PLCH1: variants seen among roughly 807,000 people sequenced by gnomAD.
PLCH1 encodes 1-phosphatidylinositol 4,5-bisphosphate phosphodiesterase eta-1.
PLCH1 carries 60 observed loss-of-function variants against 126.7 expected under a neutral mutation model. The observed-to-expected ratio is 0.47, with a 90% CI of 0.38 to 0.59. The LOEUF (loss-of-function observed/expected upper bound fraction) is 0.59. PLCH1 is among the 20% of genes least tolerant of loss of function. PLCH1 has a pLI of 0.00. For missense variants in PLCH1, 1,723 were observed against 2,040.0 expected (o/e 0.84, Z 2.99); for synonymous variants, 719 against 734.9 (o/e 0.98, Z 0.35).
At chr3:155,457,317 G>C (rs1712473617) in intron 21 of PLCH1, 1 of 152,254 alleles carries the variant, frequency 6.6e-6, no homozygotes, top group Non-Finnish European at 1.5e-5. Context: ...GCAGCCAAAA[G>C]TGAATAGCAC....
chr3:155,537,201 CCAAAAAA>C lies in PLCH1; in HGVS notation c.1362+12579_1362+12585del, dbSNP rs1723506019. Among the ~76,000 whole-genome samples, 120 of 132,062 alleles carry C rather than the reference CCAAAAAA, an allele frequency of 9.1e-4. 1 individual carries two copies. Among genetic ancestry groups the C allele is most frequent in the African/African-American group, 3.5e-3 (117 of 33,516 alleles). 86.6% of individuals were successfully genotyped at this position (132,062 alleles called of 152,430 possible). On this transcript the variant is annotated intron_variant, in intron 10 of 22. Transcript: ENST00000460012. Reference sequence around the variant, plus strand: ...GCTAGCACTACAAAAAAAAAAAAAACCAAAAAAAAAAAAAAAAAAAAAAAAAAAAAAA... The same window carrying C: ...GCTAGCACTACAAAAAAAAAAAAAACAAAAAAAAAAAAAAAAAAAAAAAAA...
chr3:155,683,018 A>C (rs1744657717), intron 2 of PLCH1, among the ~76,000 whole-genome samples: 1 of 152,214 alleles, frequency 6.6e-6, no homozygotes, highest in South Asian at 2.1e-4. Context: ...TGTCCTATAG[A>C]TCACACACAC....
chr3:155,485,449 C>A lies in PLCH1; in HGVS notation c.2881G>T (p.Val961Phe). 1 of 1,614,092 alleles carries A rather than the reference C, an allele frequency of 6.2e-7. No individual in the cohort carries two copies. Among genetic ancestry groups the A allele is most frequent in the Non-Finnish European group, 8.5e-7 (1 of 1,179,942 alleles). The change falls in exon 22 of 23, where the codon GTC (valine) becomes TTC (phenylalanine). Residue 961 changes from valine to phenylalanine, a missense_variant. Val to Phe is a conservative substitution (Grantham distance 50, BLOSUM62 -1). Around this residue, in one of 2 missense-constraint regions of PLCH1, gnomAD observed 947 missense variants for 977.1 expected, o/e 0.97. Transcript: ENST00000460012. ...RTTRSLQARPVSMPVDRNLLG... is the reference protein window; with the variant it reads ...RTTRSLQARPFSMPVDRNLLG... ...AGGTTTCTGTCAACAGGCATAGAGA[C>A]AGGGCGTGCTTGCAAACTGCGTGTG...
Position 155,504,636 on chromosome 3 carries a change from T to A in PLCH1, c.1633-10A>T, listed in dbSNP as rs769150412. 1.2e-5 allele frequency: 19 copies of A among 1,560,194 alleles called. No homozygotes were observed. Among genetic ancestry groups the A allele is most frequent in the Non-Finnish European group, 1.4e-5 (16 of 1,131,022 alleles). Reference sequence around the variant, plus strand: ...CCTTTACATCTGGACTCTGAATAAATAAAGGCATAATATAACTATTTATCT... The same window carrying A: ...CCTTTACATCTGGACTCTGAATAAAAAAAGGCATAATATAACTATTTATCT... On this transcript the variant is annotated splice_polypyrimidine_tract_variant and intron_variant, in intron 12 of 22. Coordinates refer to ENST00000460012, the MANE Select transcript of PLCH1 (RefSeq NM_014996.4).
At chr3:155,489,029 T>A (rs1715756225) in intron 19 of PLCH1, among the ~76,000 whole-genome samples, 1 of 152,238 alleles carries the variant, frequency 6.6e-6, no homozygotes, top group African/African-American at 2.4e-5. Context: ...AATTATCACA[T>A]CAAATCTATT....
At chr3:155,690,057 A>G (rs1559937954) in intron 2 of PLCH1, among the ~76,000 whole-genome samples, 2 of 152,008 alleles carry the variant, frequency 1.3e-5, no homozygotes, top group Non-Finnish European at 2.9e-5. Flanking sequence ...AAAAAAAAAA[A>G]AAAGAAAAGA....
chr3:155,736,732 A>T (rs1749202788), intron 1 of PLCH1, among the ~76,000 whole-genome samples: 1 of 152,238 alleles, frequency 6.6e-6, no homozygotes, highest in African/African-American at 2.4e-5. Context: ...AATGAGGCTT[A>T]TGAAGAAAGT....
intron 4 of PLCH1, among the ~76,000 whole-genome samples, chr3:155,589,437 T>G (rs1731813297): frequency 1.3e-5 from 2 of 152,182 alleles, no homozygotes; most frequent in Admixed American, 1.3e-4. Flanking sequence ...AATGTTTTTC[T>G]TTTGATTTTT....
At chr3:155,675,109 T>C (rs1426870626) in intron 2 of PLCH1, among the ~76,000 whole-genome samples, 2 of 152,150 alleles carry the variant, frequency 1.3e-5, no homozygotes, top group Non-Finnish European at 2.9e-5. Flanking sequence ...ATGTTTTGAA[T>C]AAAAAGCAAA....
intron 2 of PLCH1, among the ~76,000 whole-genome samples, chr3:155,649,472 A>T (rs1222859291): frequency 6.6e-6 from 1 of 152,152 alleles, no homozygotes; most frequent in Non-Finnish European, 1.5e-5. Context: ...AAGTAGCACC[A>T]TGCACAACCT....
intron 17 of PLCH1, among the ~76,000 whole-genome samples, chr3:155,493,732 A>C (rs1716596863): frequency 6.6e-6 from 1 of 152,170 alleles, no homozygotes. Flanking sequence ...GACTACACTG[A>C]GTAAAAGGGC....
At chr3:155,566,318 T>C (rs1444070425) in intron 7 of PLCH1, among the ~76,000 whole-genome samples, 2 of 25,818 alleles carry the variant, frequency 7.7e-5, no homozygotes, top group African/African-American at 4.3e-4. Flanking sequence ...TATACATATA[T>C]ACATATATAT....
intron 2 of PLCH1, among the ~76,000 whole-genome samples, chr3:155,641,994 A>G (rs1739452678): frequency 6.6e-6 from 1 of 152,210 alleles, no homozygotes; most frequent in African/African-American, 2.4e-5. Context: ...CCCAGTTGTA[A>G]GAAATAGTGA....
chr3:155,686,180 G>A (rs985513461), intron 2 of PLCH1, among the ~76,000 whole-genome samples: 3 of 152,112 alleles, frequency 2.0e-5, no homozygotes, highest in African/African-American at 7.2e-5. Flanking sequence ...CAATGATAAA[G>A]CAAACTGGAT....
chr3:155,491,262 T>C (rs1172452380), intron 18 of PLCH1, among the ~76,000 whole-genome samples: 1 of 152,146 alleles, frequency 6.6e-6, no homozygotes, highest in African/African-American at 2.4e-5. Context: ...CGTTTTTTGT[T>C]TTTTGTTATT....
intron 6 of PLCH1, among the ~76,000 whole-genome samples, chr3:155,568,741 A>G (rs1610251): frequency 0.15 from 21,083 of 136,772 alleles, 2,669 homozygotes; most frequent in African/African-American, 0.36. Context: ...AATGTTTCTA[A>G]GTAAATGTAC....
intron 2 of PLCH1, among the ~76,000 whole-genome samples, chr3:155,699,387 A>C (rs111880185): frequency 7.5e-4 from 114 of 152,180 alleles, no homozygotes; most frequent in Non-Finnish European, 1.3e-3. Context: ...TGATACTTTT[A>C]ATCTTAATGA....
intron 2 of PLCH1, among the ~76,000 whole-genome samples, chr3:155,700,559 A>C (rs358709): frequency 0.4 from 60,621 of 152,058 alleles, 12,842 homozygotes; most frequent in African/African-American, 0.53. Context: ...TGAGATGATA[A>C]CCTAATAACT....
At chr3:155,452,962 G>A (rs992739564) in intron 21 of PLCH1, among the ~76,000 whole-genome samples, 8 of 152,136 alleles carry the variant, frequency 5.3e-5, no homozygotes, top group African/African-American at 1.9e-4. Flanking sequence ...ATTAAAATGA[G>A]GATATCGATC....
Sources: allele counts gnomAD v4.1 joint callset (sites outside exome capture counted in the v4.1 genomes callset), GRCh38; gene constraint gnomAD v4.1.1; regional missense constraint gnomAD v4.1.1; transcripts MANE v1.5; gene names NCBI Gene and HGNC (gene_info 2026-07-23, HGNC 2026-07-21).